The following PHYKPL variants were observed in gnomAD, a reference collection of about 807,000 sequenced individuals.
PHYKPL encodes 5-phosphohydroxy-L-lysine phospho-lyase.
Under a neutral mutation model 51.3 loss-of-function variants are expected in PHYKPL, and 42 were observed. The observed-to-expected ratio is 0.82, with a 90% CI of 0.64 to 1.06. The LOEUF (loss-of-function observed/expected upper bound fraction) is 1.06. Ranked by LOEUF, PHYKPL falls within the 50% of genes least tolerant of loss-of-function variation. PHYKPL has a pLI of 0.00. For synonymous variants in PHYKPL, 264 were observed against 236.0 expected, an observed-to-expected ratio of 1.12 and a Z score of -1.09; for missense variants, 655 against 586.6, an observed-to-expected ratio of 1.12 and a Z score of -1.20.
intron 8 of PHYKPL, chr5:178,215,772 A>G (rs1410400094): frequency 4.2e-6 from 1 of 237,384 alleles, no homozygotes; most frequent in Non-Finnish European, 8.2e-6. Flanking sequence ...CTGGGCCCAG[A>G]CCCAGAGGAC....
intron 3 of PHYKPL, among the ~76,000 whole-genome samples, chr5:178,228,768 C>G (rs914174895): frequency 6.6e-6 from 1 of 152,222 alleles, no homozygotes; most frequent in African/African-American, 2.4e-5. Context: ...ACTGCCGATC[C>G]TAGTGTGAGC....
At position 178,211,802 on chromosome 5, in the gene PHYKPL, A is replaced by C. The variant is rs1318554718; in HGVS notation, c.*31+88T>G. 1.4e-5 allele frequency: 13 copies of C among 922,126 alleles called. 1 individual carries two copies. Among genetic ancestry groups the C allele is most frequent in the Non-Finnish European group, 2.2e-5 (13 of 589,434 alleles). 57.1% of individuals were successfully genotyped at this position (922,126 alleles called of 1,614,324 possible). ...CAGTCAGAACAAAAAAAAGTCTTAAAAAAAGGCTCAGCTTGCCGAGGCTGC... is the reference window on the plus strand; with the variant it reads ...CAGTCAGAACAAAAAAAAGTCTTAACAAAAGGCTCAGCTTGCCGAGGCTGC... On this transcript the variant is annotated intron_variant, in intron 12 of 12. Transcript: ENST00000308158.
rs1757220385 is a variant in PHYKPL, at chr5:178,208,488, T to G, written c.*459A>C. 6.6e-6 allele frequency: 1 copy of G among 152,194 alleles called. No homozygotes were observed. The highest frequency in any genetic ancestry group is 6.5e-5 in the Admixed American group (1 of 15,282). The allele number at this position is 152,194 out of a possible 1,614,324, so 9.4% of individuals were successfully genotyped here. A position where few individuals can be genotyped will look rare whatever the true frequency, so the allele number is the denominator to read the frequency against. On this transcript the variant is annotated 3_prime_UTR_variant, in exon 13 of 13. Transcript: ENST00000308158. ...ACTGGTAGTGAGTCTTAGGAGTAAG[T>G]ATATTTAGTTGGTTATATTCAGTAT...
Position 178,213,042 on chromosome 5 carries a change from T to TAA in PHYKPL, c.1232_1233dup (p.Lys412LeufsTer23). On this transcript the variant is annotated frameshift_variant, in exon 11 of 13. Transcript: ENST00000308158. LOFTEE classifies it high-confidence loss of function. Reference sequence around the variant, plus strand: ...TCCAGGCTGAAGCACATTGGGGGCTTAAACTTCAGGATGTTCCTCCCAGGG... The same window carrying TAA: ...TCCAGGCTGAAGCACATTGGGGGCTTAAAAACTTCAGGATGTTCCTCCCAGGG... The TAA allele has an allele frequency of 1.9e-6, 3 of 1,614,194 alleles. No individual in the cohort carries two copies. The highest frequency in any genetic ancestry group is 2.5e-6 in the Non-Finnish European group (3 of 1,180,000).
At chr5:178,214,333 C>T (rs918150292) in intron 10 of PHYKPL, among the ~76,000 whole-genome samples, 1 of 152,102 alleles carries the variant, frequency 6.6e-6, no homozygotes, top group East Asian at 1.9e-4. Context: ...GAGACACCCC[C>T]GACCCAGCTT....
At chr5:178,231,645 A>G (rs768538545) in intron 1 of PHYKPL, 122 bp from the exon 2 acceptor site, 1 of 1,601,974 alleles carries the variant, frequency 6.2e-7, no homozygotes, top group South Asian at 1.1e-5. Flanking sequence ...TGAGAGCTGG[A>G]AGGGCAAGGT....
chr5:178,223,105 C>A (rs1480350958), intron 6 of PHYKPL, among the ~76,000 whole-genome samples, 171 bp from the exon 7 acceptor site: 1 of 152,196 alleles, frequency 6.6e-6, no homozygotes, highest in Non-Finnish European at 1.5e-5. Context: ...TTCTCTCAGG[C>A]CTCCAGCCAA....
rs1757894357 is a variant in PHYKPL, at chr5:178,210,473, C to T, written c.*31+1417G>A. The T allele has an allele frequency of 2.7e-6, 4 of 1,507,516 alleles. No homozygotes were observed. The African/African-American group carries it at 4.1e-5, about 16-fold the overall frequency. 93.4% of individuals were successfully genotyped at this position (1,507,516 alleles called of 1,614,324 possible). ...CTCTGCTGTCACGGCTGGTGAGGGT[C>T]CTGGGAAGATGCATATCAAGCGCGT... On this transcript the variant is annotated intron_variant, in intron 12 of 12. Coordinates refer to ENST00000308158, the MANE Select transcript of PHYKPL (RefSeq NM_153373.4).
chr5:178,227,812 G>A lies in PHYKPL; in HGVS notation c.338+2128C>T, dbSNP rs568384564. Among the ~76,000 whole-genome samples, 9 of 152,270 alleles carry A rather than the reference G, an allele frequency of 5.9e-5. No homozygotes were observed. In the East Asian group the frequency reaches 1.7e-3, roughly 29 times the overall value. ...GAAGGAGAAGACCAAGGAGGAGGACGCCAGGTGAGAGCAGGTGGTGGCCAT... is the reference window on the plus strand; with the variant it reads ...GAAGGAGAAGACCAAGGAGGAGGACACCAGGTGAGAGCAGGTGGTGGCCAT... On this transcript the variant is annotated intron_variant, in intron 3 of 12. Transcript: ENST00000308158.
rs577471276 is a variant in PHYKPL at position 178,231,588 on chromosome 5, G to T, written c.60-65C>A. The T allele has an allele frequency of 1.5e-5, 24 of 1,611,106 alleles. No individual in the cohort carries two copies. In the African/African-American group the frequency reaches 2.9e-4, roughly 20 times the overall value. On this transcript the variant is annotated intron_variant, in intron 1 of 12. Transcript: ENST00000308158. ...ACCGAAAGGGTGAAGTCTACTCATC[G>T]CAGACCCCCGCCCACCCCTTCCCAG...
At chr5:178,214,224 A>G (rs1021627304) in intron 10 of PHYKPL, among the ~76,000 whole-genome samples, 1 of 152,190 alleles carries the variant, frequency 6.6e-6, no homozygotes, top group Non-Finnish European at 1.5e-5. Context: ...ATAAAAGGGA[A>G]TAACAATTCA....
chr5:178,220,167 C>T (rs1283877046), intron 8 of PHYKPL, among the ~76,000 whole-genome samples: 3 of 142,992 alleles, frequency 2.1e-5, no homozygotes, highest in Non-Finnish European at 4.5e-5. Flanking sequence ...TGCACTCCAG[C>T]CTGGGTGACA....
In PHYKPL at chr5:178,229,986, C is replaced by CT. The variant is rs1430910025; in HGVS notation, c.291dup (p.Glu98ArgfsTer21). 1.2e-6 allele frequency: 2 copies of CT among 1,614,108 alleles called. No individual in the cohort carries two copies. The highest frequency in any genetic ancestry group is 1.7e-5 in the Admixed American group (1 of 60,012). ...ACACAGAGCTGCTCCGGCAGGGTCT[C>CT]TGACAGCCTCTGCGCATAGTCCACG... On this transcript the variant is annotated frameshift_variant, in exon 3 of 13. Transcript: ENST00000308158. LOFTEE classifies it high-confidence loss of function.
rs1454502289 is a variant in PHYKPL at position 178,218,018 on chromosome 5, C to T, written c.928-2588G>A. On this transcript the variant is annotated intron_variant, in intron 8 of 12. Transcript: ENST00000308158. ...GGATCACGAGGTCAGGAGATCGAGA[C>T]CATCCTGGCTAACACGGTGAAACCC... Among the ~76,000 whole-genome samples the T allele has an allele frequency of 2.0e-5, 3 of 147,158 alleles. No individual in the cohort carries two copies. The East Asian group carries it at 6.0e-4, about 29-fold the overall frequency.
chr5:178,231,761 G>C (rs912576254), intron 1 of PHYKPL: 4 of 1,482,062 alleles, frequency 2.7e-6, no homozygotes, highest in African/African-American at 2.8e-5. Context: ...AGCATTTTCA[G>C]CCTCTGTGGC....
At chr5:178,225,616 A>G in intron 3 of PHYKPL, 187 bp from the exon 4 acceptor site, 1 of 606,062 alleles carries the variant, frequency 1.7e-6, no homozygotes, top group Non-Finnish European at 3.0e-6. Context: ...GAAAAAGAGT[A>G]GGTAAAACAG....
intron 1 of PHYKPL, chr5:178,232,188 G>GCTGC: frequency 8.1e-7 from 1 of 1,236,230 alleles, no homozygotes; most frequent in Non-Finnish European, 1.0e-6. Flanking sequence ...CGGAGTAAAG[G>GCTGC]CTGCCAAGCG....
At chr5:178,219,410 TAAAA>T (rs968133965) in intron 8 of PHYKPL, among the ~76,000 whole-genome samples, 2 of 138,114 alleles carry the variant, frequency 1.4e-5, no homozygotes, top group South Asian at 4.6e-4. Context: ...GGTAACTCAA[TAAAA>T]AAAAAATGGG....
intron 8 of PHYKPL, among the ~76,000 whole-genome samples, chr5:178,218,867 T>C (rs935281274): frequency 2.6e-5 from 4 of 152,174 alleles, no homozygotes; most frequent in Non-Finnish European, 5.9e-5. Context: ...ATTTATTCTA[T>C]AAGGTTAGTA....
Sources: allele counts gnomAD v4.1 joint callset (sites outside exome capture counted in the v4.1 genomes callset), GRCh38; gene constraint gnomAD v4.1.1; transcripts MANE v1.5; gene names NCBI Gene and HGNC (gene_info 2026-07-23, HGNC 2026-07-21).